Variants in AUTS2 observed in about 807,000 individuals in gnomAD.
AUTS2 encodes activator of transcription and developmental regulator AUTS2, also known as autism susceptibility gene 2 protein.
AUTS2 carries 17 observed loss-of-function variants against 112.4 expected under a neutral mutation model. That is an observed-to-expected ratio of 0.15 (90% CI 0.10 to 0.23). AUTS2 has a LOEUF of 0.23. AUTS2 is among the 10% of genes least tolerant of loss of function. The pLI, the probability that AUTS2 is intolerant of heterozygous loss-of-function variation, is 1.00. For missense variants in AUTS2, 1,510 were observed against 1,701.6 expected (o/e 0.89, Z 1.98); for synonymous variants, 751 against 702.7 (o/e 1.07, Z -1.09).
At chr7:70,018,660 T>C (rs1343438521) in intron 2 of AUTS2, among the ~76,000 whole-genome samples, 1 of 152,250 alleles carries the variant, frequency 6.6e-6, no homozygotes, top group Admixed American at 6.5e-5. Flanking sequence ...ACTTAAGTTG[T>C]ACTTTATAAG....
intron 4 of AUTS2, among the ~76,000 whole-genome samples, chr7:70,417,082 G>A (rs1038523573): frequency 1.3e-5 from 2 of 152,208 alleles, no homozygotes; most frequent in Admixed American, 1.3e-4. Flanking sequence ...AATGCAGACA[G>A]CCCCTCCACT....
Position 70,435,756 on chromosome 7 carries a change from A to G in AUTS2, c.665A>G (p.Asp222Gly), listed in dbSNP as rs1281748795. 1.2e-6 allele frequency: 2 copies of G among 1,614,042 alleles called. No homozygotes were observed. Among genetic ancestry groups the G allele is most frequent in the East Asian group, 4.5e-5 (2 of 44,872 alleles). The change falls in exon 5 of 19, where the codon GAC becomes GGC. Residue 222 changes from aspartate to glycine, a missense_variant. Around this residue, in one of 3 missense-constraint regions of AUTS2, gnomAD observed 535 missense variants for 594.3 expected, o/e 0.90. Coordinates refer to ENST00000342771, the MANE Select transcript of AUTS2 (RefSeq NM_015570.4). Reference sequence around the variant, plus strand: ...TTCTCTTGTCTTCATTTTCAGTGTGACAGTGACAGTGACCAGGAAGAGAAG... The same window carrying G: ...TTCTCTTGTCTTCATTTTCAGTGTGGCAGTGACAGTGACCAGGAAGAGAAG... ...PSSLGTGYFC[D>G]SDSDQEEKAS...
At chr7:69,602,040 ATGTGTGTGTGTGTGTGTGTGTGTG>A (rs6150156) in intron 1 of AUTS2, among the ~76,000 whole-genome samples, 5,805 of 46,234 alleles carry the variant, frequency 0.13, 207 homozygotes, top group South Asian at 0.16. Flanking sequence ...ATATATATAT[ATGTGTGTGTGTGTGTGTGTGTGTG>A]TGTGTGTGTG....
At chr7:70,572,637 A>G (rs772402036) in intron 5 of AUTS2, among the ~76,000 whole-genome samples, 1 of 152,178 alleles carries the variant, frequency 6.6e-6, no homozygotes, top group Non-Finnish European at 1.5e-5. Context: ...AGACCTAACA[A>G]TATCTGCACT....
At chr7:70,707,781 GC>G (rs1197182501) in intron 6 of AUTS2, among the ~76,000 whole-genome samples, 1 of 152,144 alleles carries the variant, frequency 6.6e-6, no homozygotes, top group African/African-American at 2.4e-5. Flanking sequence ...GCTCTTCCAT[GC>G]CCATTCTTGT....
At chr7:69,617,664 C>T (rs1318098484) in intron 1 of AUTS2, among the ~76,000 whole-genome samples, 1 of 152,200 alleles carries the variant, frequency 6.6e-6, no homozygotes, top group African/African-American at 2.4e-5. Context: ...CCCAAGGTCA[C>T]CCAGCTGATG....
At chr7:70,628,560 G>GT (rs61632988) in intron 5 of AUTS2, among the ~76,000 whole-genome samples, 131,931 of 151,410 alleles carry the variant, frequency 0.87, 57,798 homozygotes, top group African/African-American at 0.96. Flanking sequence ...GCTATTAATA[G>GT]TATACCTACA....
At chr7:70,734,555 A>G (rs989123622) in intron 6 of AUTS2, among the ~76,000 whole-genome samples, 2 of 152,084 alleles carry the variant, frequency 1.3e-5, no homozygotes, top group African/African-American at 4.8e-5. Context: ...TTGGCGGGAC[A>G]TATGGTTTGG....
intron 4 of AUTS2, among the ~76,000 whole-genome samples, chr7:70,305,173 T>C (rs979347868): frequency 3.3e-5 from 5 of 152,192 alleles, no homozygotes; most frequent in African/African-American, 1.2e-4. Flanking sequence ...TCATCATTAT[T>C]ATGAATAATG....
intron 3 of AUTS2, among the ~76,000 whole-genome samples, chr7:70,133,481 G>T (rs767373992): frequency 2.0e-5 from 3 of 152,178 alleles, no homozygotes; most frequent in Non-Finnish European, 2.9e-5. Flanking sequence ...GAAGTTTCCA[G>T]AGTAGGGGGC....
At chr7:70,775,085 G>A (rs1409356870) in intron 12 of AUTS2, 4 of 490,458 alleles carry the variant, frequency 8.2e-6, no homozygotes, top group Non-Finnish European at 1.4e-5. Context: ...TGTGATGTGA[G>A]CAAATCATGT....
intron 1 of AUTS2, among the ~76,000 whole-genome samples, chr7:69,897,502 G>A (rs1794798133): frequency 6.6e-6 from 1 of 151,328 alleles, no homozygotes; most frequent in Non-Finnish European, 1.5e-5. Context: ...CCTTCATGAG[G>A]GTTCCACCCT....
chr7:69,712,945 G>A (rs1562829450), intron 1 of AUTS2, among the ~76,000 whole-genome samples: 1 of 152,016 alleles, frequency 6.6e-6, no homozygotes, highest in East Asian at 1.9e-4. Flanking sequence ...TCTCGTTGTG[G>A]TTTACATTTT....
intron 5 of AUTS2, among the ~76,000 whole-genome samples, chr7:70,533,117 C>T (rs542218682): frequency 6.6e-6 from 1 of 152,182 alleles, no homozygotes; most frequent in African/African-American, 2.4e-5. Context: ...AGAAAGGAAC[C>T]GGCCTGATTT....
At chr7:70,329,328 A>C (rs1200440522) in intron 4 of AUTS2, among the ~76,000 whole-genome samples, 2 of 152,158 alleles carry the variant, frequency 1.3e-5, no homozygotes, top group African/African-American at 4.8e-5. Flanking sequence ...TGATACTTCT[A>C]CATTAAACTT....
intron 2 of AUTS2, among the ~76,000 whole-genome samples, chr7:69,926,949 G>A (rs1018201298): frequency 6.9e-6 from 1 of 144,362 alleles, no homozygotes. Flanking sequence ...TATATATAAA[G>A]ATATATAACA....
chr7:70,099,516 T>C (rs1465108293), intron 2 of AUTS2, among the ~76,000 whole-genome samples: 4 of 151,616 alleles, frequency 2.6e-5, no homozygotes, highest in Non-Finnish European at 5.9e-5. Flanking sequence ...TTTTTTTGGC[T>C]CCCTTAAATA....
intron 1 of AUTS2, among the ~76,000 whole-genome samples, chr7:69,771,579 G>A (rs1443267219): frequency 6.6e-6 from 1 of 152,240 alleles, no homozygotes; most frequent in South Asian, 2.1e-4. Flanking sequence ...TGCTAGTTCC[G>A]TGTGGCAAAG....
intron 2 of AUTS2, among the ~76,000 whole-genome samples, chr7:70,073,421 G>T (rs1026564500): frequency 6.7e-6 from 1 of 149,818 alleles, no homozygotes; most frequent in Admixed American, 6.7e-5. Flanking sequence ...TGTGGCAGGA[G>T]AATTACTTGA....
Sources: gnomAD v4.1 joint callset for allele counts (sites outside exome capture counted in the v4.1 genomes callset) on GRCh38, gnomAD v4.1.1 for gene constraint, gnomAD v4.1.1 regional missense constraint, MANE v1.5 for transcripts, NCBI Gene and HGNC (gene_info 2026-07-23, HGNC 2026-07-21) for gene names.